TRRAP: variants seen among roughly 807,000 people sequenced by gnomAD.
The protein encoded by TRRAP is transformation/transcription domain-associated protein.
A neutral mutation model predicts 438.8 loss-of-function variants in TRRAP; 41 were observed. That is an observed-to-expected ratio of 0.09 (90% CI 0.07 to 0.12). The LOEUF is 0.12. Among genes scored for constraint, TRRAP ranks in the 10% least tolerant of loss-of-function variants. The pLI, the probability that TRRAP is intolerant of heterozygous loss-of-function variation, is 1.00. For synonymous variants in TRRAP, 1,994 were observed against 1,962.9 expected (o/e 1.02, Z -0.42); for missense variants, 3,122 against 5,055.1 (o/e 0.62, Z 11.60).
chr7:98,899,834 C>G, intron 10 of TRRAP, 67 bp downstream of exon 10: 2 of 1,541,658 alleles, frequency 1.3e-6, no homozygotes, highest in South Asian at 1.1e-5. Flanking sequence ...TTGCTGTTGT[C>G]ATTCTTAAGA....
chr7:98,973,273 C>G (rs1398738775), intron 53 of TRRAP, among the ~76,000 whole-genome samples: 1 of 152,160 alleles, frequency 6.6e-6, no homozygotes, highest in Non-Finnish European at 1.5e-5. Flanking sequence ...TTAATAGACC[C>G]ATGTCCCTAC....
chr7:98,920,260 G>C (rs1198076096), intron 20 of TRRAP, among the ~76,000 whole-genome samples: 1 of 152,020 alleles, frequency 6.6e-6, no homozygotes, highest in African/African-American at 2.4e-5. Flanking sequence ...CACTGGAGGT[G>C]AGGAGTTCAA....
Position 98,927,374 on chromosome 7 carries a change from CG to C in TRRAP, c.3175+13del, listed in dbSNP as rs1562945139. 1 of 1,613,836 alleles carries C rather than the reference CG, an allele frequency of 6.2e-7. No individual in the cohort carries two copies. On this transcript the variant is annotated intron_variant, in intron 23 of 72. Transcript: ENST00000456197. ...CAGTCGCCCAGCAGTGTGGTGAGCA[CG>C]GGGGCACGGTGGGGCACGGGATTGG...
At chr7:98,922,059 G>T in intron 21 of TRRAP, 106 bp downstream of exon 21, 1 of 1,459,148 alleles carries the variant, frequency 6.9e-7, no homozygotes, top group Non-Finnish European at 9.4e-7. Context: ...TCTCTGAGTA[G>T]AACCAGTTGT....
At position 98,994,095 on chromosome 7, in the gene TRRAP, G is replaced by A. The variant is rs1320039489; in HGVS notation, c.10047+358G>A. Among the ~76,000 whole-genome samples, 2 of 152,196 alleles carry A rather than the reference G, an allele frequency of 1.3e-5. No individual in the cohort carries two copies. Among genetic ancestry groups the A allele is most frequent in the African/African-American group, 2.4e-5 (1 of 41,454 alleles). On this transcript the variant is annotated intron_variant, in intron 66 of 72. Coordinates refer to ENST00000456197, the MANE Select transcript of TRRAP (RefSeq NM_001375524.1). This position sits in a 1 kb window ranked among gnomAD's most constrained non-coding sequence, Gnocchi z 4.8. Reference sequence around the variant, plus strand: ...TCCATAGATGGGAAATTGTAGGGATGTGGGGTCTTTTCAGCAGTCAGACCA... The same window carrying A: ...TCCATAGATGGGAAATTGTAGGGATATGGGGTCTTTTCAGCAGTCAGACCA...
At chr7:98,883,687 TA>T (rs1314688278) in intron 3 of TRRAP, among the ~76,000 whole-genome samples, 6 of 152,138 alleles carry the variant, frequency 3.9e-5, no homozygotes, top group African/African-American at 1.4e-4. Context: ...CTAATTTTTG[TA>T]TATTTTGTAG....
At chr7:98,936,696 T>TA (rs1428903348) in intron 28 of TRRAP, among the ~76,000 whole-genome samples, 2 of 152,188 alleles carry the variant, frequency 1.3e-5, no homozygotes, top group East Asian at 3.9e-4. Flanking sequence ...CCCATTACCC[T>TA]ATGAAGGTGT....
chr7:98,923,765 C>T (rs1259164631), intron 21 of TRRAP, among the ~76,000 whole-genome samples: 1 of 152,212 alleles, frequency 6.6e-6, no homozygotes, highest in Non-Finnish European at 1.5e-5. Flanking sequence ...CTGTCCCTGT[C>T]ATCACCCTCT....
chr7:98,886,087 C>T (rs1385796364), intron 3 of TRRAP, among the ~76,000 whole-genome samples: 2 of 152,082 alleles, frequency 1.3e-5, no homozygotes, highest in Non-Finnish European at 2.9e-5. Context: ...GAGTTCGAGA[C>T]CAACCTGGCC....
rs1044270109 is a variant in TRRAP, at chr7:98,958,071, C to T, written c.6322C>T (p.Leu2108Phe). 3.1e-6 allele frequency: 5 copies of T among 1,614,006 alleles called. No individual in the cohort carries two copies. Among genetic ancestry groups the T allele is most frequent in the Non-Finnish European group, 4.2e-6 (5 of 1,180,002 alleles). Residue 2108 changes from leucine (L) to phenylalanine (F), a missense_variant, in exon 44 of 73, where the codon CTT becomes TTT. By Grantham distance (22) the Leu-to-Phe change is conservative. Coordinates refer to ENST00000456197, the MANE Select transcript of TRRAP (RefSeq NM_001375524.1). ...KQHTDTVVNF[L>F]IRVACQVNDN... ...GCACACAGACACTGTGGTGAACTTC[C>T]TTATCCGCGTGGCCTGTCAGGTACG...
In TRRAP at chr7:98,970,465, G is replaced by A. The variant is rs373645990; in HGVS notation, c.7692+174G>A. On this transcript the variant is annotated intron_variant, in intron 52 of 72. Transcript: ENST00000456197. The stretch of plus-strand genomic sequence containing the variant: ...CCCAGAGGAGTGGAGGTGAGGCCCC[G>A]CGCCCCACGGGCAGAATCCTTGGTC... 9.2e-5 allele frequency among the ~76,000 whole-genome samples: 14 copies of A among 151,968 alleles called. 1 individual carries two copies. Among genetic ancestry groups the A allele is most frequent in the East Asian group, 7.7e-4 (4 of 5,178 alleles).
chr7:98,915,690 A>G, intron 18 of TRRAP, 33 bp from the exon 19 acceptor site: 1 of 1,604,658 alleles, frequency 6.2e-7, no homozygotes, highest in Non-Finnish European at 8.5e-7. Flanking sequence ...CCTCATTTAG[A>G]TGCCACTAAT....
chr7:98,899,702 T>G lies in TRRAP; in HGVS notation c.735T>G (p.Asn245Lys). ...AGCTCTACAAACTGAACATCCACAA[T>G]GTTGTTGCTGAGTTTGTGCCCTTGA... is the stretch of plus-strand genomic sequence containing the variant. Reference protein sequence around the residue: ...MYQLYKLNIHNVVAEFVPLIM... With the variant: ...MYQLYKLNIHKVVAEFVPLIM... The change falls in exon 10 of 73, where the codon AAT (asparagine) becomes AAG (lysine). Residue 245 changes from asparagine (N) to lysine (K), a missense_variant. By Grantham distance (94) the Asn-to-Lys change is moderately conservative. This residue lies in a region of TRRAP where 343 missense variants were observed against 564.0 expected (regional missense o/e 0.61). Coordinates refer to ENST00000456197, the MANE Select transcript of TRRAP (RefSeq NM_001375524.1). The G allele has an allele frequency of 6.2e-7, 1 of 1,614,182 alleles. No individual in the cohort carries two copies. The highest frequency in any genetic ancestry group is 1.1e-5 in the South Asian group (1 of 91,086).
Position 99,005,438 on chromosome 7 carries a change from A to C in TRRAP, c.10753+90A>C. 1.2e-5 allele frequency: 15 copies of C among 1,279,244 alleles called. No individual in the cohort carries two copies. Among genetic ancestry groups the C allele is most frequent in the African/African-American group, 1.5e-5 (1 of 68,506 alleles). 79.2% of individuals were successfully genotyped at this position (1,279,244 alleles called of 1,614,324 possible). A position where few individuals can be genotyped will look rare whatever the true frequency, so the allele number is the denominator to read the frequency against. On this transcript the variant is annotated intron_variant, in intron 69 of 72. Transcript: ENST00000456197. This position sits in a 1 kb window ranked among gnomAD's most constrained non-coding sequence, Gnocchi z 5.1. Reference sequence around the variant, plus strand: ...ACCTCGTGGGGTGCACAGGCAGCTCACGTTAGCCTTTGAGGGTCCAGCTGC... The same window carrying C: ...ACCTCGTGGGGTGCACAGGCAGCTCCCGTTAGCCTTTGAGGGTCCAGCTGC...
chr7:98,911,620 G>A (rs1554408762), intron 17 of TRRAP, among the ~76,000 whole-genome samples: 2 of 152,052 alleles, frequency 1.3e-5, no homozygotes, highest in African/African-American at 4.8e-5. Flanking sequence ...ACAAAAATTA[G>A]CTGGGTGTGG....
In TRRAP at chr7:98,887,742, A is replaced by AAC. The variant is rs1423478078; in HGVS notation, c.151-2592_151-2591insCA. ...GAAACTCCGTCTCAAAAAAAAAAAAAAAAAAAAACTGCAATGGTTTTCTTT... is the reference window on the plus strand; with the variant it reads ...GAAACTCCGTCTCAAAAAAAAAAAAAACAAAAAAAACTGCAATGGTTTTCTTT... On this transcript the variant is annotated intron_variant, in intron 3 of 72. Transcript: ENST00000456197. Among the ~76,000 whole-genome samples, 9 of 145,212 alleles carry AAC rather than the reference A, an allele frequency of 6.2e-5. No homozygotes were observed. The South Asian group carries it at 1.7e-3, about 27-fold the overall frequency.
chr7:98,945,719 A>G (rs1485375772), intron 31 of TRRAP, 28 bp from the exon 32 acceptor site: 3 of 1,596,544 alleles, frequency 1.9e-6, no homozygotes, highest in Non-Finnish European at 2.5e-6. Context: ...ATAAATAGAA[A>G]AAAGATGATT....
In TRRAP at chr7:98,976,554, C is replaced by T. The variant is rs780173233; in HGVS notation, c.8031C>T (p.Ser2677=). 30 of 1,613,892 alleles carry T rather than the reference C, an allele frequency of 1.9e-5. No individual in the cohort carries two copies. Among genetic ancestry groups the T allele is most frequent in the South Asian group, 3.3e-5 (3 of 91,086 alleles). The change falls in exon 55 of 73, where the codon AGC becomes AGT. Residue 2677 remains serine, a synonymous_variant. Transcript: ENST00000456197. This position sits in a 1 kb window ranked among gnomAD's most constrained non-coding sequence, Gnocchi z 4.6. ...AGGTGCAGCGGGACTGCCAGCCCAG[C>T]GCGCTGAACTGCTTTGTGGAAGCCA... The part of the protein sequence containing the change: ...SHQVQRDCQP[S]ALNCFVEAMS...
chr7:98,901,687 T>A (rs1796475978), intron 11 of TRRAP, among the ~76,000 whole-genome samples: 1 of 152,200 alleles, frequency 6.6e-6, no homozygotes, highest in Non-Finnish European at 1.5e-5. Context: ...TAGCTAGGAT[T>A]ACAGGCATGC....
Sources: allele counts gnomAD v4.1 joint callset (sites outside exome capture counted in the v4.1 genomes callset), GRCh38; gene constraint gnomAD v4.1.1; regional missense constraint gnomAD v4.1.1; non-coding constraint Gnocchi (gnomAD v3.1); transcripts MANE v1.5; gene names NCBI Gene and HGNC (gene_info 2026-07-23, HGNC 2026-07-21).